COL4A2: variants seen among roughly 807,000 people sequenced by gnomAD.
COL4A2 encodes collagen alpha-2(IV) chain.
In COL4A2, 99 loss-of-function variants were observed where a neutral mutation model predicts 200.2. That is an observed-to-expected ratio of 0.49 (90% confidence interval 0.42 to 0.58). The LOEUF is 0.58. Among genes scored for constraint, COL4A2 ranks in the 20% least tolerant of loss-of-function variants. The pLI, the probability that COL4A2 is intolerant of heterozygous loss-of-function variation, is 0.00. For missense variants in COL4A2, 1,950 were observed against 2,314.1 expected, an observed-to-expected ratio of 0.84 and a Z score of 3.23; for synonymous variants, 897 against 900.6, an observed-to-expected ratio of 1.00 and a Z score of 0.07.
Position 110,428,124 on chromosome 13 carries a change from C to T in COL4A2, c.361-343C>T, listed in dbSNP as rs187126174. ...GTTATCCCTGAGAAGGAGGTAGCTG[C>T]TTCTAAAATCTTTCCTAGAATTTTT... is the stretch of plus-strand genomic sequence containing the variant. On this transcript the variant is annotated intron_variant, in intron 6 of 47. Coordinates refer to ENST00000360467, the MANE Select transcript of COL4A2 (RefSeq NM_001846.4). 1.3e-3 allele frequency among the ~76,000 whole-genome samples: 205 copies of T among 152,282 alleles called. 1 individual carries two copies. Among genetic ancestry groups the T allele is most frequent in the African/African-American group, 4.7e-3 (197 of 41,546 alleles).
chr13:110,449,640 AC>A, intron 18 of COL4A2, 38 bp from the exon 19 acceptor site: 1 of 1,507,462 alleles, frequency 6.6e-7, no homozygotes, highest in Non-Finnish European at 8.9e-7. Context: ...TCCGTAGACC[AC>A]GGTCTTGTTC....
chr13:110,505,479 CAA>C (rs1883828891), intron 45 of COL4A2, among the ~76,000 whole-genome samples: 2 of 152,158 alleles, frequency 1.3e-5, no homozygotes, highest in Admixed American at 6.5e-5. Flanking sequence ...CACCTGAAAA[CAA>C]ATGCCAGCAA....
At chr13:110,393,423 A>G (rs905369041) in intron 4 of COL4A2, among the ~76,000 whole-genome samples, 2 of 152,216 alleles carry the variant, frequency 1.3e-5, no homozygotes, top group African/African-American at 4.8e-5. Flanking sequence ...ACAATCCAGT[A>G]TAATGTAAGG....
At chr13:110,466,695 G>A (rs1056444475) in intron 26 of COL4A2, among the ~76,000 whole-genome samples, 1 of 152,204 alleles carries the variant, frequency 6.6e-6, no homozygotes, top group Non-Finnish European at 1.5e-5. Flanking sequence ...CCAGACAAAA[G>A]AAAAGCATCC....
Position 110,512,025 on chromosome 13 carries a change from G to A in COL4A2, c.4973G>A (p.Cys1658Tyr). The A allele has an allele frequency of 6.2e-7, 1 of 1,613,576 alleles. No individual in the cohort carries two copies. The highest frequency in any genetic ancestry group is 8.5e-7 in the Non-Finnish European group (1 of 1,180,046). ...TTCCGCGCCACACCATTCATCGAATGCAATGGAGGCCGCGGCACCTGCCAC... is the reference window on the plus strand; with the variant it reads ...TTCCGCGCCACACCATTCATCGAATACAATGGAGGCCGCGGCACCTGCCAC... ...EDFRATPFIE[C>Y]NGGRGTCHYY... Residue 1658 changes from cysteine (C) to tyrosine (Y), a missense_variant, in exon 48 of 48, where the codon TGC (cysteine) becomes TAC (tyrosine). This residue lies in a region of COL4A2 where 1,385 missense variants were observed against 1,720.5 expected (regional missense o/e 0.80). Transcript: ENST00000360467.
intron 4 of COL4A2, among the ~76,000 whole-genome samples, chr13:110,397,867 C>T (rs1879235071): frequency 6.6e-6 from 1 of 152,176 alleles, no homozygotes; most frequent in South Asian, 2.1e-4. Context: ...TTGAGTCCAA[C>T]AGAAAGAGTC....
At chr13:110,385,965 G>GGATAGGCCGTGGTCACAGCGTGTC (rs2139416977) in intron 4 of COL4A2, among the ~76,000 whole-genome samples, 3 of 127,634 alleles carry the variant, frequency 2.4e-5, no homozygotes, top group Non-Finnish European at 5.0e-5. Context: ...CACAGCGTGT[G>GGATAGGCCGTGGTCACAGCGTGTC]GATGGGCCGT....
intron 16 of COL4A2, among the ~76,000 whole-genome samples, chr13:110,444,628 A>G (rs1881255636): frequency 6.6e-6 from 1 of 152,230 alleles, no homozygotes; most frequent in Non-Finnish European, 1.5e-5. Flanking sequence ...GGGTGTCAAG[A>G]TAACCTCGAA....
At chr13:110,312,168 G>C (rs1885003078) in intron 3 of COL4A2, among the ~76,000 whole-genome samples, 1 of 152,210 alleles carries the variant, frequency 6.6e-6, no homozygotes, top group Admixed American at 6.5e-5. Context: ...GGATAAACAA[G>C]CATATCTCAG....
intron 45 of COL4A2, 77 bp downstream of exon 45, chr13:110,504,341 G>C (rs991943018): frequency 4.3e-5 from 55 of 1,273,522 alleles, no homozygotes; most frequent in Non-Finnish European, 5.8e-5. Context: ...CTGCAGGAAG[G>C]GGACACACGA....
chr13:110,424,760 G>A lies in COL4A2; in HGVS notation c.207G>A (p.Gln69=), dbSNP rs910889605. The A allele has an allele frequency of 1.2e-6, 2 of 1,611,842 alleles. No homozygotes were observed. The highest frequency in any genetic ancestry group is 1.7e-6 in the Non-Finnish European group (2 of 1,178,010). ...GRGQPGPVGP[Q]GYNGPPGLQG... is the part of the protein sequence containing the mutation. ...GTCAGCCTGGGCCAGTGGGCCCCCAGGGGTACAATGGGCCACCAGGATTAC... is the reference window on the plus strand; with the variant it reads ...GTCAGCCTGGGCCAGTGGGCCCCCAAGGGTACAATGGGCCACCAGGATTAC... The change falls in exon 5 of 48, where the codon CAG becomes CAA. Residue 69 remains glutamine, a synonymous_variant. Coordinates refer to ENST00000360467, the MANE Select transcript of COL4A2 (RefSeq NM_001846.4).
At chr13:110,321,982 T>C (rs1321330527) in intron 3 of COL4A2, among the ~76,000 whole-genome samples, 1 of 152,212 alleles carries the variant, frequency 6.6e-6, no homozygotes, top group African/African-American at 2.4e-5. Flanking sequence ...AGCCAAACCA[T>C]ATCAGTCCTG....
chr13:110,503,088 T>C (rs1384644559), intron 41 of COL4A2, 33 bp from the exon 42 acceptor site: 1 of 1,608,632 alleles, frequency 6.2e-7, no homozygotes, highest in South Asian at 1.1e-5. Context: ...GGGCCCTGTT[T>C]AAACCCTCCT....
chr13:110,318,306 G>A (rs2139348281), intron 3 of COL4A2, among the ~76,000 whole-genome samples: 1 of 151,320 alleles, frequency 6.6e-6, no homozygotes, highest in East Asian at 2.0e-4. Flanking sequence ...TGATCAGTGT[G>A]TGTGTGCGCG....
chr13:110,386,213 GT>G (rs1878742577), intron 4 of COL4A2, among the ~76,000 whole-genome samples: 1 of 152,220 alleles, frequency 6.6e-6, no homozygotes, highest in African/African-American at 2.4e-5. Flanking sequence ...GGATACACTG[GT>G]TAAAGTGTGT....
chr13:110,444,012 C>T (rs1024749984), intron 16 of COL4A2, among the ~76,000 whole-genome samples: 1 of 152,164 alleles, frequency 6.6e-6, no homozygotes, highest in Non-Finnish European at 1.5e-5. Flanking sequence ...CCTCAGCCTC[C>T]CCCGAGTCAG....
At chr13:110,409,476 A>G (rs1009141424) in intron 4 of COL4A2, among the ~76,000 whole-genome samples, 18 of 152,368 alleles carry the variant, frequency 1.2e-4, no homozygotes, top group African/African-American at 4.1e-4. Flanking sequence ...CACCTTTGTG[A>G]ACACCAAATG....
intron 3 of COL4A2, among the ~76,000 whole-genome samples, chr13:110,344,463 A>G (rs1236629855): frequency 6.6e-6 from 1 of 152,210 alleles, no homozygotes; most frequent in African/African-American, 2.4e-5. Flanking sequence ...TCTAACTCAT[A>G]CTTGCTGATA....
intron 4 of COL4A2, among the ~76,000 whole-genome samples, chr13:110,383,437 G>C (rs1878566456): frequency 6.6e-6 from 1 of 152,118 alleles, no homozygotes; most frequent in Non-Finnish European, 1.5e-5. Context: ...TGCTAATACT[G>C]TACTGCAGTG....
Sources: gnomAD v4.1 joint callset for allele counts (sites outside exome capture counted in the v4.1 genomes callset) on GRCh38, gnomAD v4.1.1 for gene constraint, gnomAD v4.1.1 regional missense constraint, MANE v1.5 for transcripts, NCBI Gene and HGNC (gene_info 2026-07-23, HGNC 2026-07-21) for gene names.